Variants in TMED3 observed in about 807,000 individuals in gnomAD.
TMED3 encodes transmembrane p24 trafficking protein 3.
In TMED3, 9 loss-of-function variants were observed where a neutral mutation model predicts 15.0. The observed-to-expected ratio is 0.60, with a 90% confidence interval of 0.36 to 1.04. TMED3 has a LOEUF of 1.04. Among genes scored for constraint, TMED3 ranks in the 50% least tolerant of loss-of-function variants. The probability of loss-of-function intolerance (pLI) is 0.01; values close to 1 mark genes in which losing one functional copy is unlikely to be tolerated. For missense variants in TMED3, 267 were observed against 278.9 expected, an observed-to-expected ratio of 0.96 and a Z score of 0.30; for synonymous variants, 117 against 121.4, an observed-to-expected ratio of 0.96 and a Z score of 0.24.
chr15:79,397,676 C>T (rs917929588), intron 2 of TMED3, among the ~76,000 whole-genome samples: 25 of 152,330 alleles, frequency 1.6e-4, no homozygotes, highest in African/African-American at 5.8e-4. Context: ...CTCCCAGACT[C>T]TTGCATCAGA....
chr15:79,384,682 AT>A (rs1893601055), intron 2 of TMED3: 1 of 152,278 alleles, frequency 6.6e-6, no homozygotes, highest in Admixed American at 6.5e-5. Context: ...GGGTAGCCAT[AT>A]AGAAAAATCA....
At chr15:79,373,038 A>T (rs117275639) in intron 2 of TMED3, among the ~76,000 whole-genome samples, 4,010 of 152,294 alleles carry the variant, frequency 0.026, 85 homozygotes, top group Non-Finnish European at 0.037. Context: ...GCCTAGACTG[A>T]TCAAATAAGT....
At chr15:79,407,600 C>T (rs1893917968) in intron 2 of TMED3, among the ~76,000 whole-genome samples, 1 of 152,132 alleles carries the variant, frequency 6.6e-6, no homozygotes, top group Non-Finnish European at 1.5e-5. Flanking sequence ...CTATACAGCC[C>T]AAGGACCAAA....
At chr15:79,409,756 G>A (rs1003151393) in intron 2 of TMED3, among the ~76,000 whole-genome samples, 1 of 152,220 alleles carries the variant, frequency 6.6e-6, no homozygotes, top group Non-Finnish European at 1.5e-5. Context: ...GGAGCCGAGT[G>A]ACAGCTATGT....
intron 2 of TMED3, among the ~76,000 whole-genome samples, chr15:79,361,886 TC>T (rs1404315752): frequency 6.6e-6 from 1 of 152,134 alleles, no homozygotes; most frequent in Non-Finnish European, 1.5e-5. Context: ...AAAATTATTT[TC>T]CTTTTTTAAA....
At chr15:79,339,533 T>TGCAAAAGTTAATAGAATAA in intron 2 of TMED3, among the ~76,000 whole-genome samples, 1 of 152,356 alleles carries the variant, frequency 6.6e-6, no homozygotes, top group African/African-American at 2.4e-5. Context: ...TCTATTAACT[T>TGCAAAAGTTAATAGAATAA]CCATTGCAAA....
chr15:79,311,857 C>T (rs965874730), intron 1 of TMED3, among the ~76,000 whole-genome samples: 11 of 152,206 alleles, frequency 7.2e-5, no homozygotes, highest in Admixed American at 1.3e-4. Context: ...GTTTATTCCT[C>T]CCCTCTCCAG....
intron 2 of TMED3, among the ~76,000 whole-genome samples, chr15:79,396,883 G>A (rs1223227319): frequency 6.6e-6 from 1 of 152,108 alleles, no homozygotes; most frequent in East Asian, 1.9e-4. Context: ...GATATGTTCG[G>A]TTAAATAAAA....
chr15:79,377,226 T>C (rs1403477149), intron 2 of TMED3, among the ~76,000 whole-genome samples: 1 of 151,788 alleles, frequency 6.6e-6, no homozygotes, highest in Non-Finnish European at 1.5e-5. Context: ...GGATATGTCA[T>C]CCTAGGTATT....
At chr15:79,374,234 G>C (rs564019949) in intron 2 of TMED3, among the ~76,000 whole-genome samples, 1 of 152,308 alleles carries the variant, frequency 6.6e-6, no homozygotes, top group South Asian at 2.1e-4. Flanking sequence ...TGCTATGCTA[G>C]AGTCAGGTTG....
At chr15:79,399,794 A>G (rs1427916846) in intron 2 of TMED3, among the ~76,000 whole-genome samples, 1 of 152,210 alleles carries the variant, frequency 6.6e-6, no homozygotes, top group African/African-American at 2.4e-5. Flanking sequence ...AGAATTGTCA[A>G]GTGTAATCCT....
chr15:79,353,300 ATATATATTATATATATAAT>A (rs2058904086), intron 2 of TMED3, among the ~76,000 whole-genome samples: 1 of 5,682 alleles, frequency 1.8e-4, no homozygotes, highest in Non-Finnish European at 6.9e-4. Context: ...TATGTATATT[ATATATATTATATATATAAT>A]ATATATAATA....
chr15:79,317,785 C>T (rs1379145838), intron 2 of TMED3, among the ~76,000 whole-genome samples: 1 of 152,242 alleles, frequency 6.6e-6, no homozygotes, highest in East Asian at 1.9e-4. Context: ...TCTTCCCTGA[C>T]ATGGCGACCT....
intron 2 of TMED3, among the ~76,000 whole-genome samples, chr15:79,384,881 G>A (rs573091309): frequency 1.4e-4 from 22 of 152,264 alleles, no homozygotes; most frequent in African/African-American, 5.1e-4. Flanking sequence ...GCAGAGGGGC[G>A]AAGATGGCCA....
intron 2 of TMED3, among the ~76,000 whole-genome samples, chr15:79,389,267 T>C (rs1213078324): frequency 2.0e-5 from 3 of 152,184 alleles, no homozygotes; most frequent in Admixed American, 2.0e-4. Flanking sequence ...GATTTTTGTA[T>C]ATGGTGAGAA....
chr15:79,386,693 C>T (rs1893630641), intron 2 of TMED3, among the ~76,000 whole-genome samples: 1 of 144,154 alleles, frequency 6.9e-6, no homozygotes, highest in South Asian at 2.3e-4. Flanking sequence ...TGTGGGCCAC[C>T]ATGCCTGGCT....
intron 2 of TMED3, among the ~76,000 whole-genome samples, chr15:79,331,503 A>G (rs1298810103): frequency 1.4e-5 from 2 of 147,514 alleles, no homozygotes; most frequent in Non-Finnish European, 3.0e-5. Flanking sequence ...CTGGGAAATG[A>G]TTTTATAAAT....
At chr15:79,322,900 T>A (rs1243372874), downstream of TMED3, 9 of 985,136 alleles carry the variant, frequency 9.1e-6, no homozygotes, top group Non-Finnish European at 9.6e-6. Flanking sequence ...CTGCAGAGCA[T>A]GGGTGTGTGC....
chr15:79,342,421 C>T (rs572199743), intron 2 of TMED3, among the ~76,000 whole-genome samples: 5 of 152,230 alleles, frequency 3.3e-5, no homozygotes, highest in Non-Finnish European at 7.4e-5. Context: ...AAAGGTTAAT[C>T]TCTGCTTCAT....
Sources: allele counts gnomAD v4.1 joint callset (sites outside exome capture counted in the v4.1 genomes callset), GRCh38; gene constraint gnomAD v4.1.1; transcripts MANE v1.5; gene names NCBI Gene and HGNC (gene_info 2026-07-23, HGNC 2026-07-21).